HIVEP3: variants seen among roughly 807,000 people sequenced by gnomAD.
HIVEP3 encodes the protein transcription factor HIVEP3.
A neutral mutation model predicts 152.8 loss-of-function variants in HIVEP3; 49 were observed. That is an observed-to-expected ratio of 0.32 (90% confidence interval 0.26 to 0.41). HIVEP3 has a LOEUF of 0.41. Ranked by LOEUF, HIVEP3 falls within the 10% of genes least tolerant of loss-of-function variation. The pLI is 1.00. For synonymous variants in HIVEP3, 1,269 were observed against 1,289.0 expected (o/e 0.98, Z 0.33); for missense variants, 2,790 against 3,103.3 (o/e 0.90, Z 2.40).
chr1:41,677,332 G>T (rs1013268934), intron 2 of HIVEP3, among the ~76,000 whole-genome samples: 2 of 152,236 alleles, frequency 1.3e-5, no homozygotes, highest in Non-Finnish European at 2.9e-5. Context: ...TGTCGTAAGA[G>T]AGAAATACAA....
At chr1:41,676,514 G>A (rs1470548322) in intron 2 of HIVEP3, among the ~76,000 whole-genome samples, 1 of 152,164 alleles carries the variant, frequency 6.6e-6, no homozygotes, top group Non-Finnish European at 1.5e-5. Flanking sequence ...ATGCTTCCGA[G>A]CCTCAGTTTC....
chr1:41,528,560 ACCCCAC>A (rs1643103545), intron 5 of HIVEP3, among the ~76,000 whole-genome samples: 3 of 9,082 alleles, frequency 3.3e-4, no homozygotes, highest in African/African-American at 1.6e-3. Flanking sequence ...ACCCTCACAC[ACCCCAC>A]CCTCACACAC....
At chr1:42,031,979 C>T (rs191792051) in intron 1 of HIVEP3, among the ~76,000 whole-genome samples, 17 of 152,288 alleles carry the variant, frequency 1.1e-4, no homozygotes, top group African/African-American at 2.4e-4. Context: ...CCTCTTTGAA[C>T]GCCACATAAT....
At chr1:41,976,410 T>C (rs1249931840) in intron 1 of HIVEP3, among the ~76,000 whole-genome samples, 1 of 152,198 alleles carries the variant, frequency 6.6e-6, no homozygotes, top group Non-Finnish European at 1.5e-5. Flanking sequence ...TGGGCTAGCT[T>C]GTTCTGGACT....
At chr1:41,655,130 G>A (rs925213089) in intron 2 of HIVEP3, among the ~76,000 whole-genome samples, 4 of 152,128 alleles carry the variant, frequency 2.6e-5, no homozygotes, top group South Asian at 2.1e-4. Flanking sequence ...CTGTCTGACC[G>A]AGCCGACCCT....
chr1:41,671,889 T>C (rs1645882706), intron 2 of HIVEP3, among the ~76,000 whole-genome samples: 1 of 152,058 alleles, frequency 6.6e-6, no homozygotes, highest in African/African-American at 2.4e-5. Flanking sequence ...GGAAAAGCTA[T>C]GGAGGCAGGG....
intron 1 of HIVEP3, among the ~76,000 whole-genome samples, chr1:42,009,167 ATTAGT>A (rs1645479202): frequency 6.6e-6 from 1 of 152,240 alleles, no homozygotes. Flanking sequence ...GTATAGAATT[ATTAGT>A]TTACTTTCCC....
chr1:41,744,419 T>C (rs1481773563), intron 1 of HIVEP3, among the ~76,000 whole-genome samples: 1 of 152,220 alleles, frequency 6.6e-6, no homozygotes, highest in East Asian at 1.9e-4. Context: ...ATCAAACTAG[T>C]TCCTGCATGC....
rs1220805747 is a variant in HIVEP3 at position 41,850,263 on chromosome 1, A to G, written c.-801+68150T>C. ...CCTGTCTTATATCAAAGGAACCACTAATGACTCACTCGCACTCAGCCCTGT... is the reference window on the plus strand; with the variant it reads ...CCTGTCTTATATCAAAGGAACCACTGATGACTCACTCGCACTCAGCCCTGT... On this transcript the variant is annotated intron_variant, in intron 1 of 8. Transcript: ENST00000372583. 5.3e-5 allele frequency among the ~76,000 whole-genome samples: 8 copies of G among 152,300 alleles called. No individual in the cohort carries two copies. The East Asian group carries it at 1.2e-3, about 22-fold the overall frequency.
chr1:41,516,181 G>GGCGGCCCCTTCCCAGGGCCTTGCAGGA (rs11270500), intron 7 of HIVEP3, among the ~76,000 whole-genome samples: 1 of 151,538 alleles, frequency 6.6e-6, no homozygotes, highest in African/African-American at 2.4e-5. Context: ...CCCCTGGCTG[G>GGCGGCCCCTTCCCAGGGCCTTGCAGGA]GCGGCCCCGC....
At chr1:41,560,910 G>T (rs1170314595) in intron 5 of HIVEP3, among the ~76,000 whole-genome samples, 1 of 152,174 alleles carries the variant, frequency 6.6e-6, no homozygotes, top group African/African-American at 2.4e-5. Flanking sequence ...TCAAACCAGG[G>T]TACACGGCCA....
At chr1:41,931,780 C>CA (rs1259594755) in intron 1 of HIVEP3, among the ~76,000 whole-genome samples, 2 of 152,002 alleles carry the variant, frequency 1.3e-5, no homozygotes, top group African/African-American at 2.4e-5. Context: ...TCATTGCTAG[C>CA]ATGAAGAAAT....
At chr1:41,708,601 C>T (rs942963706) in intron 1 of HIVEP3, among the ~76,000 whole-genome samples, 19 of 152,220 alleles carry the variant, frequency 1.2e-4, no homozygotes, top group African/African-American at 4.6e-4. Flanking sequence ...TTTTCTGAGT[C>T]TGCTTCTTCA....
chr1:41,633,115 C>T (rs1645219770), intron 2 of HIVEP3, among the ~76,000 whole-genome samples: 1 of 152,242 alleles, frequency 6.6e-6, no homozygotes, highest in East Asian at 1.9e-4. Context: ...GGCTGCCCAC[C>T]ACACCCGTGT....
At chr1:42,014,132 T>C (rs1277940877) in intron 1 of HIVEP3, among the ~76,000 whole-genome samples, 1 of 152,166 alleles carries the variant, frequency 6.6e-6, no homozygotes, top group Non-Finnish European at 1.5e-5. Context: ...ATCTTCATTT[T>C]GGCACTGCCA....
chr1:41,516,621 T>G (rs1642614597), intron 7 of HIVEP3, among the ~76,000 whole-genome samples: 1 of 152,190 alleles, frequency 6.6e-6, no homozygotes, highest in African/African-American at 2.4e-5. Context: ...GAGGACGCCC[T>G]GCCTCTCTCC....
At chr1:41,760,458 C>T (rs1315819861) in intron 1 of HIVEP3, among the ~76,000 whole-genome samples, 1 of 152,098 alleles carries the variant, frequency 6.6e-6, no homozygotes, top group African/African-American at 2.4e-5. Flanking sequence ...CCAGCCTGAC[C>T]CCTTGGTTAA....
intron 2 of HIVEP3, among the ~76,000 whole-genome samples, chr1:41,651,297 G>A (rs1215660445): frequency 1.3e-5 from 2 of 151,624 alleles, no homozygotes; most frequent in Non-Finnish European, 2.9e-5. Context: ...TGTAATCCCA[G>A]CTACTTGGGA....
intron 1 of HIVEP3, among the ~76,000 whole-genome samples, chr1:41,861,842 G>A (rs1643890776): frequency 6.6e-6 from 1 of 152,200 alleles, no homozygotes; most frequent in Non-Finnish European, 1.5e-5. Context: ...CTTTTTGTGG[G>A]GATGCAGACT....
Sources: gnomAD v4.1 joint callset for allele counts (sites outside exome capture counted in the v4.1 genomes callset) on GRCh38, gnomAD v4.1.1 for gene constraint, MANE v1.5 for transcripts, NCBI Gene and HGNC (gene_info 2026-07-23, HGNC 2026-07-21) for gene names.